LOXHD1: variants seen among roughly 807,000 people sequenced by gnomAD.
LOXHD1 encodes the protein lipoxygenase homology domain-containing protein 1.
Under a neutral mutation model 248.2 loss-of-function variants are expected in LOXHD1, and 205 were observed. The ratio of observed to expected loss-of-function variants is 0.83; its 90% CI spans 0.74 to 0.93. LOXHD1 has a LOEUF of 0.93. Ranked by LOEUF, LOXHD1 falls within the 40% of genes least tolerant of loss-of-function variation. LOXHD1 has a pLI of 0.00. For synonymous variants in LOXHD1, 1,113 were observed against 1,162.8 expected (o/e 0.96, Z 0.87); for missense variants, 2,930 against 2,971.6 (o/e 0.99, Z 0.33).
intron 4 of LOXHD1, among the ~76,000 whole-genome samples, chr18:46,636,469 G>T (rs1226687650): frequency 6.6e-6 from 1 of 152,168 alleles, no homozygotes; most frequent in East Asian, 1.9e-4. Context: ...ACTCGACGAG[G>T]ATCTGCCAAT....
At chr18:46,610,135 G>T (rs1049475134) in intron 6 of LOXHD1, among the ~76,000 whole-genome samples, 1 of 152,078 alleles carries the variant, frequency 6.6e-6, no homozygotes, top group African/African-American at 2.4e-5. Context: ...GGTTCTGGTG[G>T]GCCACGGTCA....
intron 5 of LOXHD1, among the ~76,000 whole-genome samples, chr18:46,615,835 A>C (rs1018749798): frequency 2.0e-5 from 3 of 151,988 alleles, no homozygotes; most frequent in Non-Finnish European, 4.4e-5. Flanking sequence ...TCCTCCAAGA[A>C]TTTTGTTAAT....
intron 33 of LOXHD1, chr18:46,520,470 T>A (rs2035520758): frequency 2.7e-6 from 1 of 366,408 alleles, no homozygotes. Flanking sequence ...TGTCCTCAGA[T>A]CCTAGCACCA....
At chr18:46,629,385 A>G (rs2038788859) in intron 4 of LOXHD1, among the ~76,000 whole-genome samples, 1 of 152,254 alleles carries the variant, frequency 6.6e-6, no homozygotes, top group Admixed American at 6.5e-5. Flanking sequence ...GCTTCTTGAC[A>G]GAGCCTTTGC....
chr18:46,616,106 A>G (rs2038582917), intron 5 of LOXHD1, among the ~76,000 whole-genome samples: 1 of 151,994 alleles, frequency 6.6e-6, no homozygotes, highest in Middle Eastern at 3.2e-3. Flanking sequence ...TGGATTTTTG[A>G]ATTTTCATCT....
chr18:46,618,422 CAG>C (rs1435282366), intron 4 of LOXHD1, 132 bp from the exon 5 acceptor site: 1 of 647,832 alleles, frequency 1.5e-6, no homozygotes, highest in Non-Finnish European at 2.7e-6. Flanking sequence ...CTGTCAATAA[CAG>C]AGCAAAAAAC....
intron 12 of LOXHD1, among the ~76,000 whole-genome samples, chr18:46,580,958 G>T (rs778865389): frequency 1.3e-5 from 2 of 152,210 alleles, no homozygotes; most frequent in Non-Finnish European, 2.9e-5. Flanking sequence ...AGGTGGACAG[G>T]AGCTGGATAC....
chr18:46,615,439 T>C (rs1456326242), intron 5 of LOXHD1, among the ~76,000 whole-genome samples: 2 of 152,222 alleles, frequency 1.3e-5, no homozygotes, highest in Admixed American at 6.5e-5. Context: ...GTGGTGATGA[T>C]GATATAACAT....
intron 12 of LOXHD1, among the ~76,000 whole-genome samples, chr18:46,582,549 C>G (rs980336326): frequency 6.6e-6 from 1 of 152,050 alleles, no homozygotes; most frequent in African/African-American, 2.4e-5. Flanking sequence ...ATATGACATA[C>G]AAAATATAGT....
intron 37 of LOXHD1, among the ~76,000 whole-genome samples, chr18:46,496,132 A>G (rs757140074): frequency 6.6e-6 from 1 of 152,238 alleles, no homozygotes; most frequent in Non-Finnish European, 1.5e-5. Flanking sequence ...AAATTTTAAA[A>G]GGTATGAACA....
chr18:46,652,888 T>C (rs1301542796), intron 1 of LOXHD1, among the ~76,000 whole-genome samples: 1 of 152,172 alleles, frequency 6.6e-6, no homozygotes, highest in Non-Finnish European at 1.5e-5. Context: ...CACACGTGGA[T>C]AAATCAGATA....
rs757861935 is a variant in LOXHD1 at position 46,592,539 on chromosome 18, G to A, written c.1477C>T (p.His493Tyr). ...LGRFYKIRVW[H>Y]DKRSSGSGWH... is the part of the protein sequence containing the mutation. ...CCAGAACCAGAACTCCTTTTATCAT[G>A]CCATACTCGAATCTTATAAAACCTG... The change falls in exon 11 of 41, where the codon CAT becomes TAT. Residue 493 changes from histidine (H) to tyrosine (Y), a missense_variant. His to Tyr is a moderately conservative substitution (Grantham distance 83, BLOSUM62 2). Transcript: ENST00000642948. 3 of 1,551,504 alleles carry A rather than the reference G, an allele frequency of 1.9e-6. No homozygotes were observed. The highest frequency in any genetic ancestry group is 1.2e-5 in the South Asian group (1 of 84,054).
intron 4 of LOXHD1, among the ~76,000 whole-genome samples, chr18:46,622,351 T>C (rs530151005): frequency 2.3e-4 from 35 of 152,372 alleles, no homozygotes; most frequent in Non-Finnish European, 4.4e-5. Context: ...GTGAATTTCA[T>C]ATAATTTTTA....
In LOXHD1 at chr18:46,477,510, C is replaced by T. The variant is rs948528627; in HGVS notation, c.6784G>A (p.Asp2262Asn). Residue 2262 changes from aspartate to asparagine, a missense_variant, in exon 41 of 41, where the codon GAT (aspartate) becomes AAT (asparagine). Coordinates refer to ENST00000642948, the MANE Select transcript of LOXHD1 (RefSeq NM_001384474.1). ...CGRWLDKKRG[D>N]GLTWRDLFPS... is the part of the protein sequence containing the mutation. The stretch of plus-strand genomic sequence containing the variant: ...AAGAGGTCTCTCCAGGTGAGTCCAT[C>T]CCCCCGCTTCTTGTCCAGCCACCTG... 30 of 1,550,560 alleles carry T rather than the reference C, an allele frequency of 1.9e-5. No individual in the cohort carries two copies. Among genetic ancestry groups the T allele is most frequent in the South Asian group, 2.4e-5 (2 of 84,028 alleles).
chr18:46,486,306 A>G (rs2033048132), intron 38 of LOXHD1, among the ~76,000 whole-genome samples: 1 of 152,160 alleles, frequency 6.6e-6, no homozygotes, highest in Admixed American at 6.5e-5. Context: ...TCTCAGAGAC[A>G]TGATAAAAAT....
chr18:46,536,873 T>C (rs1250899114), intron 26 of LOXHD1, among the ~76,000 whole-genome samples: 2 of 152,082 alleles, frequency 1.3e-5, no homozygotes, highest in East Asian at 3.9e-4. Context: ...AAGGGGCACA[T>C]CTCCAAAGAT....
intron 6 of LOXHD1, among the ~76,000 whole-genome samples, chr18:46,607,954 G>T (rs1022133557): frequency 6.6e-6 from 1 of 151,024 alleles, no homozygotes; most frequent in African/African-American, 2.4e-5. Flanking sequence ...ACAAATAAAT[G>T]AATAAACAAA....
chr18:46,608,096 G>A (rs116407781), intron 6 of LOXHD1, among the ~76,000 whole-genome samples: 1,458 of 143,924 alleles, frequency 0.01, 18 homozygotes, highest in African/African-American at 0.035. Context: ...AAGGAAGGGC[G>A]GGCAGGCAAA....
chr18:46,633,200 T>A (rs2038849221), intron 4 of LOXHD1, among the ~76,000 whole-genome samples: 1 of 152,318 alleles, frequency 6.6e-6, no homozygotes, highest in Middle Eastern at 3.4e-3. Flanking sequence ...AAGTTTGAGG[T>A]CTCACACTTC....
Sources: gnomAD v4.1 joint callset for allele counts (sites outside exome capture counted in the v4.1 genomes callset) on GRCh38, gnomAD v4.1.1 for gene constraint, MANE v1.5 for transcripts, NCBI Gene and HGNC (gene_info 2026-07-23, HGNC 2026-07-21) for gene names.